Variants in MRTFA observed in about 807,000 individuals in gnomAD.
The protein encoded by MRTFA is myocardin-related transcription factor A.
Under a neutral mutation model 83.5 loss-of-function variants are expected in MRTFA, and 20 were observed. That is an observed-to-expected ratio of 0.24 (90% CI 0.17 to 0.35). The LOEUF (loss-of-function observed/expected upper bound fraction) is 0.35. MRTFA is among the 10% of genes least tolerant of loss of function. The pLI is 1.00. For missense variants in MRTFA, 1,200 were observed against 1,224.7 expected, an observed-to-expected ratio of 0.98 and a Z score of 0.30; for synonymous variants, 659 against 541.2, an observed-to-expected ratio of 1.22 and a Z score of -3.02.
chr22:40,517,604 C>T (rs1450618319), intron 3 of MRTFA, among the ~76,000 whole-genome samples: 4 of 152,166 alleles, frequency 2.6e-5, no homozygotes, highest in African/African-American at 9.7e-5. Context: ...CGGTCTGCCA[C>T]ACTGCAATGT....
At chr22:40,587,069 T>A in intron 2 of MRTFA, 1 of 463,350 alleles carries the variant, frequency 2.2e-6, no homozygotes, top group South Asian at 1.6e-5. Flanking sequence ...CCAGGAGGTT[T>A]GTCCCCAGGA....
chr22:40,585,183 G>A (rs1217123023), intron 2 of MRTFA, among the ~76,000 whole-genome samples: 1 of 152,210 alleles, frequency 6.6e-6, no homozygotes, highest in Non-Finnish European at 1.5e-5. Context: ...CAATGCTGCT[G>A]AGCAGGAAGG....
intron 3 of MRTFA, among the ~76,000 whole-genome samples, chr22:40,550,790 A>T (rs2055431653): frequency 6.6e-6 from 1 of 152,070 alleles, no homozygotes; most frequent in Non-Finnish European, 1.5e-5. Context: ...CAAAGTACAT[A>T]AGTTGGGTGG....
intron 1 of MRTFA, among the ~76,000 whole-genome samples, chr22:40,600,664 T>C (rs1422835572): frequency 6.6e-6 from 1 of 152,116 alleles, no homozygotes; most frequent in Non-Finnish European, 1.5e-5. Context: ...CCATAACATA[T>C]GCAATACTTT....
Position 40,411,795 on chromosome 22 carries a change from G to A in MRTFA, c.2691C>T (p.Leu897=), listed in dbSNP as rs41276311. The change falls in exon 15 of 15, where the codon CTC becomes CTT. Residue 897 remains leucine, a synonymous_variant. Coordinates refer to ENST00000355630, the MANE Select transcript of MRTFA (RefSeq NM_020831.6). Reference sequence around the variant, plus strand: ...CTGGAGGAGGTGGGGCAGCCTGGGGGAGCTCAGCAGAAGGTGATGGCTGTG... The same window carrying A: ...CTGGAGGAGGTGGGGCAGCCTGGGGAAGCTCAGCAGAAGGTGATGGCTGTG... The A allele has an allele frequency of 5.5e-3, 8,391 of 1,528,372 alleles. 32 individuals carry two copies. The highest frequency in any genetic ancestry group is 7.0e-3 in the Non-Finnish European group (7,885 of 1,133,400). 94.7% of individuals were successfully genotyped at this position (1,528,372 alleles called of 1,614,324 possible). A position where few individuals can be genotyped will look rare whatever the true frequency, so the allele number is the denominator to read the frequency against.
chr22:40,549,095 C>T (rs770137481), intron 3 of MRTFA, among the ~76,000 whole-genome samples: 7 of 152,026 alleles, frequency 4.6e-5, no homozygotes, highest in African/African-American at 4.8e-5. Flanking sequence ...GACAGGGTCT[C>T]GCTATGTCTC....
chr22:40,417,624 T>A, intron 12 of MRTFA, 131 bp from the exon 13 acceptor site: 1 of 659,680 alleles, frequency 1.5e-6, no homozygotes, highest in Non-Finnish European at 2.5e-6. Context: ...AGGCACTGGC[T>A]TTTAGGGAGC....
intron 2 of MRTFA, chr22:40,586,565 T>A (rs570380556): frequency 6.1e-6 from 1 of 163,620 alleles, no homozygotes; most frequent in African/African-American, 2.4e-5. Flanking sequence ...ATTCAGAGAT[T>A]ACATACTAAA....
chr22:40,476,098 C>G (rs562538359), intron 3 of MRTFA, among the ~76,000 whole-genome samples: 3 of 149,496 alleles, frequency 2.0e-5, no homozygotes, highest in Non-Finnish European at 3.0e-5. Flanking sequence ...GAGCTGAGAT[C>G]GCGCCACTGC....
chr22:40,607,875 A>G (rs963614863), intron 1 of MRTFA, among the ~76,000 whole-genome samples: 5 of 152,172 alleles, frequency 3.3e-5, no homozygotes, highest in African/African-American at 1.2e-4. Context: ...CATCAATTCT[A>G]TTGTTTAGAT....
At chr22:40,521,440 G>A (rs894836527) in intron 3 of MRTFA, among the ~76,000 whole-genome samples, 1 of 152,002 alleles carries the variant, frequency 6.6e-6, no homozygotes, top group South Asian at 2.1e-4. Flanking sequence ...TTTCTAAAAC[G>A]TTTAAAGTTT....
Position 40,418,818 on chromosome 22 carries a change from C to T in MRTFA, c.1920G>A (p.Met640Ile). 1.9e-6 allele frequency: 3 copies of T among 1,610,068 alleles called. No homozygotes were observed. Among genetic ancestry groups the T allele is most frequent in the Non-Finnish European group, 2.5e-6 (3 of 1,179,546 alleles). The change falls in exon 12 of 15, where the codon ATG (methionine) becomes ATA (isoleucine). Residue 640 changes from methionine to isoleucine, a missense_variant. Met to Ile is a conservative substitution (Grantham distance 10). This residue lies in a region of MRTFA where 1,107 missense variants were observed against 1,041.8 expected (regional missense o/e 1.06). Transcript: ENST00000355630. ...CCACCAGCTGCTGCTTCTGCCGGAG[C>T]ATGCGCGTCAGCGCCTCGATCTGCT...
chr22:40,554,750 T>C (rs752044935), intron 2 of MRTFA, among the ~76,000 whole-genome samples: 16 of 152,186 alleles, frequency 1.1e-4, no homozygotes, highest in Admixed American at 3.3e-4. Context: ...CAAACTACCA[T>C]TATTCTTAAA....
intron 3 of MRTFA, among the ~76,000 whole-genome samples, chr22:40,464,320 A>AC (rs1360919219): frequency 1.3e-5 from 2 of 150,800 alleles, no homozygotes; most frequent in East Asian, 1.9e-4. Context: ...AAAAAAAAAA[A>AC]AAAAAAAAAA....
intron 2 of MRTFA, among the ~76,000 whole-genome samples, chr22:40,553,300 T>C (rs1038020863): frequency 6.6e-6 from 1 of 152,146 alleles, no homozygotes; most frequent in African/African-American, 2.4e-5. Flanking sequence ...CTAACATTAA[T>C]CACCAAGACA....
chr22:40,532,747 G>C (rs1197574737), intron 3 of MRTFA, among the ~76,000 whole-genome samples: 6 of 152,214 alleles, frequency 3.9e-5, no homozygotes. Flanking sequence ...GACAGTATCT[G>C]CCAGAACCAA....
chr22:40,422,337 T>C (rs1299652100), intron 9 of MRTFA, among the ~76,000 whole-genome samples: 1 of 152,118 alleles, frequency 6.6e-6, no homozygotes, highest in Non-Finnish European at 1.5e-5. Flanking sequence ...GTGAGGTGAC[T>C]GAAGAGATGT....
At chr22:40,457,336 A>G (rs1392592614) in intron 4 of MRTFA, among the ~76,000 whole-genome samples, 1 of 151,874 alleles carries the variant, frequency 6.6e-6, no homozygotes, top group Non-Finnish European at 1.5e-5. Flanking sequence ...CTGCACTCCA[A>G]TCCAGCCTGG....
chr22:40,492,199 T>C (rs2054282759), intron 3 of MRTFA, among the ~76,000 whole-genome samples: 2 of 152,162 alleles, frequency 1.3e-5, no homozygotes, highest in Admixed American at 1.3e-4. Context: ...AGAGGCCATT[T>C]ATTATTTGCC....
Sources: allele counts gnomAD v4.1 joint callset (sites outside exome capture counted in the v4.1 genomes callset), GRCh38; gene constraint gnomAD v4.1.1; regional missense constraint gnomAD v4.1.1; transcripts MANE v1.5; gene names NCBI Gene and HGNC (gene_info 2026-07-23, HGNC 2026-07-21).